The following BRINP3 variants were observed in gnomAD, a reference collection of about 807,000 sequenced individuals.
BRINP3 encodes the protein BMP/retinoic acid inducible neural specific 3, also known as BMP/retinoic acid-inducible neural-specific protein 3.
Under a neutral mutation model 71.0 loss-of-function variants are expected in BRINP3, and 19 were observed. That is an observed-to-expected ratio of 0.27 (90% CI 0.19 to 0.39). The LOEUF (loss-of-function observed/expected upper bound fraction) is 0.39. Ranked by LOEUF, BRINP3 falls within the 10% of genes least tolerant of loss-of-function variation. The probability of loss-of-function intolerance (pLI) is 1.00; values close to 1 mark genes in which losing one functional copy is unlikely to be tolerated. For missense variants in BRINP3, 959 were observed against 940.8 expected (o/e 1.02, Z -0.25); for synonymous variants, 380 against 337.7 (o/e 1.13, Z -1.37).
intron 2 of BRINP3, among the ~76,000 whole-genome samples, chr1:190,417,035 A>C (rs2102438287): frequency 6.6e-6 from 1 of 152,302 alleles, no homozygotes; most frequent in South Asian, 2.1e-4. Flanking sequence ...AACTAAAATT[A>C]GTTTTAAGAT....
At position 190,195,925 on chromosome 1, in the gene BRINP3, C is replaced by T. The variant is rs554622074; in HGVS notation, c.961+30157G>A. Among the ~76,000 whole-genome samples the T allele has an allele frequency of 3.3e-5, 5 of 152,186 alleles. No homozygotes were observed. The East Asian group carries it at 9.7e-4, about 29-fold the overall frequency. On this transcript the variant is annotated intron_variant, in intron 6 of 7. Transcript: ENST00000367462. ...ATTCTTAAACTCATGTTCAGCTACA[C>T]ATTATCAAAAACCTCATATTTGGCA...
At chr1:190,327,553 A>G (rs1376970336) in intron 2 of BRINP3, among the ~76,000 whole-genome samples, 1 of 151,634 alleles carries the variant, frequency 6.6e-6, no homozygotes, top group Non-Finnish European at 1.5e-5. Flanking sequence ...GTAAACCAAC[A>G]ACAGTAAAAA....
At chr1:190,444,187 C>A (rs1162958382) in intron 2 of BRINP3, among the ~76,000 whole-genome samples, 1 of 128,886 alleles carries the variant, frequency 7.8e-6, no homozygotes, top group African/African-American at 2.9e-5. Flanking sequence ...AGTGACCGGA[C>A]GACATTGTGC....
At chr1:190,115,072 G>A (rs1167436085) in intron 7 of BRINP3, among the ~76,000 whole-genome samples, 1 of 151,920 alleles carries the variant, frequency 6.6e-6, no homozygotes, top group African/African-American at 2.4e-5. Context: ...TTCTTAGTGA[G>A]AATTTTACAT....
intron 4 of BRINP3, among the ~76,000 whole-genome samples, chr1:190,262,160 CA>C (rs546868216): frequency 9.2e-5 from 14 of 152,172 alleles, no homozygotes; most frequent in Non-Finnish European, 1.9e-4. Flanking sequence ...TGCACATGAT[CA>C]TGGGTTTCTG....
chr1:190,318,042 G>A (rs1666002722), intron 2 of BRINP3, among the ~76,000 whole-genome samples: 1 of 151,966 alleles, frequency 6.6e-6, no homozygotes, highest in African/African-American at 2.4e-5. Context: ...ACTATTCCAA[G>A]GAAAGAAGCA....
chr1:190,328,991 C>T (rs948048483), intron 2 of BRINP3, among the ~76,000 whole-genome samples: 1 of 151,932 alleles, frequency 6.6e-6, no homozygotes, highest in Admixed American at 6.6e-5. Flanking sequence ...GATAAAAATC[C>T]TCAAGAAATT....
intron 6 of BRINP3, among the ~76,000 whole-genome samples, chr1:190,163,459 G>T (rs564124975): frequency 6.6e-6 from 1 of 151,982 alleles, no homozygotes; most frequent in African/African-American, 2.4e-5. Flanking sequence ...TGTATCAAGT[G>T]AGTACTTTTC....
intron 6 of BRINP3, among the ~76,000 whole-genome samples, chr1:190,202,619 C>G (rs1006171949): frequency 1.1e-4 from 16 of 152,062 alleles, no homozygotes; most frequent in African/African-American, 3.6e-4. Flanking sequence ...TGGGAGGGAC[C>G]TCATGGGGGA....
chr1:190,399,722 G>T (rs1237227549), intron 2 of BRINP3, among the ~76,000 whole-genome samples: 1 of 151,674 alleles, frequency 6.6e-6, no homozygotes, highest in Non-Finnish European at 1.5e-5. Flanking sequence ...ACTGTAAATG[G>T]CCTCCTTGTT....
chr1:190,374,979 G>C (rs1404939800), intron 2 of BRINP3, among the ~76,000 whole-genome samples: 1 of 151,894 alleles, frequency 6.6e-6, no homozygotes, highest in African/African-American at 2.4e-5. Context: ...TAAAAAATGG[G>C]TTAATAGCAT....
intron 5 of BRINP3, among the ~76,000 whole-genome samples, chr1:190,229,717 T>C (rs1043825593): frequency 6.7e-6 from 1 of 150,372 alleles, no homozygotes. Flanking sequence ...TCACCAGATC[T>C]GAAGTATAGT....
chr1:190,251,183 C>T (rs534948775), intron 4 of BRINP3, among the ~76,000 whole-genome samples: 3 of 152,046 alleles, frequency 2.0e-5, no homozygotes, highest in Non-Finnish European at 4.4e-5. Flanking sequence ...TACTCCCTTA[C>T]CAAGTTATTT....
chr1:190,135,153 T>C (rs955854628), intron 7 of BRINP3, among the ~76,000 whole-genome samples: 4 of 152,104 alleles, frequency 2.6e-5, no homozygotes, highest in Non-Finnish European at 5.9e-5. Context: ...TTACTGCATT[T>C]GTGATAACAA....
At chr1:190,372,570 G>A (rs1669933104) in intron 2 of BRINP3, among the ~76,000 whole-genome samples, 1 of 152,140 alleles carries the variant, frequency 6.6e-6, no homozygotes, top group South Asian at 2.1e-4. Context: ...GGTGACTGCA[G>A]GTCTGTGTTA....
intron 2 of BRINP3, among the ~76,000 whole-genome samples, chr1:190,320,337 G>A (rs1188152730): frequency 2.0e-5 from 3 of 151,960 alleles, no homozygotes; most frequent in Non-Finnish European, 2.9e-5. Context: ...TGTAATTGTG[G>A]TGAGTTAAAT....
intron 7 of BRINP3, among the ~76,000 whole-genome samples, chr1:190,105,087 C>T (rs574114348): frequency 2.6e-5 from 4 of 152,216 alleles, no homozygotes; most frequent in African/African-American, 9.6e-5. Context: ...AGCTCAGTCA[C>T]AGACAGATAA....
chr1:190,403,370 T>G (rs911407056), intron 2 of BRINP3, among the ~76,000 whole-genome samples: 4 of 152,224 alleles, frequency 2.6e-5, no homozygotes, highest in African/African-American at 9.6e-5. Flanking sequence ...ACTTGAATTC[T>G]CATGTCCACA....
chr1:190,261,517 T>A, intron 4 of BRINP3, among the ~76,000 whole-genome samples: 1 of 152,148 alleles, frequency 6.6e-6, no homozygotes, highest in East Asian at 1.9e-4. Context: ...TTCTAGAAAC[T>A]GGCTCATAGT....
Sources: allele counts gnomAD v4.1 joint callset (sites outside exome capture counted in the v4.1 genomes callset), GRCh38; gene constraint gnomAD v4.1.1; transcripts MANE v1.5; gene names NCBI Gene and HGNC (gene_info 2026-07-23, HGNC 2026-07-21).